Variants in CDH13 observed in about 807,000 individuals in gnomAD.
The protein encoded by CDH13 is cadherin-13.
Under a neutral mutation model 63.8 loss-of-function variants are expected in CDH13, and 24 were observed. The ratio of observed to expected loss-of-function variants is 0.38; its 90% CI spans 0.27 to 0.53. The LOEUF is 0.53. CDH13 is among the 20% of genes least tolerant of loss of function. The pLI, the probability that CDH13 is intolerant of heterozygous loss-of-function variation, is 0.85. For missense variants in CDH13, 1,049 were observed against 903.1 expected (o/e 1.16, Z -2.07); for synonymous variants, 503 against 355.3 (o/e 1.42, Z -4.67).
At chr16:82,709,522 C>G (rs1426865671) in intron 1 of CDH13, among the ~76,000 whole-genome samples, 1 of 152,168 alleles carries the variant, frequency 6.6e-6, no homozygotes, top group African/African-American at 2.4e-5. Context: ...TACTCAGTCT[C>G]TCTGATGTTT....
intron 5 of CDH13, among the ~76,000 whole-genome samples, chr16:83,248,679 C>T (rs997589762): frequency 1.3e-5 from 2 of 151,976 alleles, no homozygotes; most frequent in Admixed American, 6.6e-5. Flanking sequence ...CTTTCATGAA[C>T]TTCTCTCCTT....
At chr16:83,522,035 A>T (rs992031292) in intron 7 of CDH13, among the ~76,000 whole-genome samples, 3 of 152,302 alleles carry the variant, frequency 2.0e-5, no homozygotes, top group African/African-American at 7.2e-5. Context: ...AAATGCCTGC[A>T]TTCGGGTGCC....
At chr16:83,086,010 C>T (rs987271293) in intron 3 of CDH13, among the ~76,000 whole-genome samples, 4 of 152,172 alleles carry the variant, frequency 2.6e-5, no homozygotes, top group Non-Finnish European at 5.9e-5. Flanking sequence ...TCAGCACAGC[C>T]TTCTACAGCT....
intron 2 of CDH13, among the ~76,000 whole-genome samples, chr16:82,969,198 T>A (rs1371830691): frequency 2.0e-5 from 3 of 152,222 alleles, no homozygotes; most frequent in Admixed American, 2.0e-4. Flanking sequence ...GCCAGCAAAC[T>A]TTCCTGCAAA....
At chr16:83,285,603 A>T (rs796573691) in intron 5 of CDH13, among the ~76,000 whole-genome samples, 43 of 152,326 alleles carry the variant, frequency 2.8e-4, no homozygotes, top group African/African-American at 1.0e-3. Context: ...TATCATATAT[A>T]AGTAATCTAG....
chr16:82,828,931 T>C (rs1439798508), intron 1 of CDH13, among the ~76,000 whole-genome samples: 1 of 152,104 alleles, frequency 6.6e-6, no homozygotes, highest in Non-Finnish European at 1.5e-5. Context: ...CAAGGGACAA[T>C]TGTGCTAACC....
At chr16:83,045,660 G>A (rs1459653991) in intron 3 of CDH13, among the ~76,000 whole-genome samples, 155 of 110,194 alleles carry the variant, frequency 1.4e-3, no homozygotes, top group African/African-American at 3.2e-3. Context: ...AAAAAAAAAA[G>A]ATGGGTCTGC....
rs1284894583 is a variant in CDH13, at chr16:82,710,548, AAAAAATAT to A, written c.45+83413_45+83420del. On this transcript the variant is annotated intron_variant, in intron 1 of 13. Transcript: ENST00000567109. ...ACTCTGTCTCAAAAAAAAAAAAAAAAAAAAATATATATATATATATATATATATAAATA... is the reference window on the plus strand; with the variant it reads ...ACTCTGTCTCAAAAAAAAAAAAAAAAATATATATATATATATATATAAATA... 6.1e-3 allele frequency among the ~76,000 whole-genome samples: 547 copies of A among 89,864 alleles called. 1 individual carries two copies. Among genetic ancestry groups the A allele is most frequent in the Middle Eastern group, 0.015 (2 of 132 alleles). 59.0% of individuals were successfully genotyped at this position (89,864 alleles called of 152,430 possible).
chr16:82,652,573 C>A (rs988724814), intron 1 of CDH13, among the ~76,000 whole-genome samples: 1 of 151,826 alleles, frequency 6.6e-6, no homozygotes, highest in East Asian at 1.9e-4. Context: ...TGATCCTACT[C>A]CTCATTTAAA....
chr16:83,578,627 A>AGCATCT (rs1283589547), intron 7 of CDH13, among the ~76,000 whole-genome samples: 4 of 152,174 alleles, frequency 2.6e-5, no homozygotes, highest in African/African-American at 9.7e-5. Context: ...ATGTTTAATG[A>AGCATCT]GCATCTATTA....
At chr16:83,158,901 T>G (rs1439924808) in intron 4 of CDH13, among the ~76,000 whole-genome samples, 1 of 152,190 alleles carries the variant, frequency 6.6e-6, no homozygotes, top group Non-Finnish European at 1.5e-5. Context: ...GCCTTCTTTC[T>G]TTACTTTACT....
chr16:82,749,651 T>A (rs2034329243), intron 1 of CDH13, among the ~76,000 whole-genome samples: 1 of 152,222 alleles, frequency 6.6e-6, no homozygotes, highest in South Asian at 2.1e-4. Flanking sequence ...CTTCTGAGTT[T>A]CCATTGCATT....
At chr16:83,025,539 G>T (rs1424793469) in intron 2 of CDH13, among the ~76,000 whole-genome samples, 4 of 152,150 alleles carry the variant, frequency 2.6e-5, no homozygotes, top group African/African-American at 9.7e-5. Flanking sequence ...CCACTCCTGT[G>T]ATTAAATTAC....
chr16:82,786,113 G>T (rs889033356), intron 1 of CDH13, among the ~76,000 whole-genome samples: 11 of 152,142 alleles, frequency 7.2e-5, no homozygotes, highest in Admixed American at 7.2e-4. Context: ...ATCAGAATGA[G>T]TTAGGGTGGA....
intron 4 of CDH13, among the ~76,000 whole-genome samples, chr16:83,183,485 G>A (rs935368170): frequency 1.4e-4 from 21 of 152,200 alleles, no homozygotes; most frequent in African/African-American, 4.3e-4. Flanking sequence ...AATTGGGTAC[G>A]CACCAAGTCC....
chr16:83,252,465 T>G (rs1387447786), intron 5 of CDH13, among the ~76,000 whole-genome samples: 1 of 152,104 alleles, frequency 6.6e-6, no homozygotes, highest in African/African-American at 2.4e-5. Context: ...ATATCTTCCT[T>G]GTGCTTATGG....
intron 6 of CDH13, among the ~76,000 whole-genome samples, chr16:83,380,421 A>G (rs1298409148): frequency 6.6e-6 from 1 of 152,144 alleles, no homozygotes; most frequent in Non-Finnish European, 1.5e-5. Flanking sequence ...GCTCCCAGCT[A>G]TTTTTTATTT....
chr16:83,526,782 G>A (rs1180059926), intron 7 of CDH13, among the ~76,000 whole-genome samples: 3 of 152,174 alleles, frequency 2.0e-5, no homozygotes, highest in African/African-American at 4.8e-5. Context: ...CCCAGTTTGG[G>A]AACAGTGAAA....
At chr16:83,749,011 A>G (rs946988755) in intron 11 of CDH13, among the ~76,000 whole-genome samples, 3 of 152,172 alleles carry the variant, frequency 2.0e-5, no homozygotes, top group African/African-American at 7.2e-5. Flanking sequence ...GAGTTCCTAT[A>G]TACTTTGAAT....
Sources: allele counts gnomAD v4.1 joint callset (sites outside exome capture counted in the v4.1 genomes callset), GRCh38; gene constraint gnomAD v4.1.1; transcripts MANE v1.5; gene names NCBI Gene and HGNC (gene_info 2026-07-23, HGNC 2026-07-21).